Variants in DTWD2 observed in about 807,000 individuals in gnomAD.
The protein encoded by DTWD2 is tRNA-uridine aminocarboxypropyltransferase 2.
A neutral mutation model predicts 31.8 loss-of-function variants in DTWD2; 39 were observed. The ratio of observed to expected loss-of-function variants is 1.22; its 90% CI spans 0.95 to 1.60. The LOEUF (loss-of-function observed/expected upper bound fraction) is 1.60, where lower values mean the gene tolerates loss of function less well. Among genes scored for constraint, DTWD2 ranks in the 40% most tolerant of loss-of-function variants. DTWD2 has a pLI of 0.00. For synonymous variants in DTWD2, 180 were observed against 142.8 expected (o/e 1.26, Z -1.86); for missense variants, 515 against 381.5 (o/e 1.35, Z -2.92).
chr5:118,941,939 G>A (rs1024613478), intron 2 of DTWD2, among the ~76,000 whole-genome samples: 1 of 152,182 alleles, frequency 6.6e-6, no homozygotes, highest in African/African-American at 2.4e-5. Context: ...GTGATGAAGA[G>A]CATTTTTTCA....
chr5:118,877,675 A>C (rs1372979321), intron 4 of DTWD2, among the ~76,000 whole-genome samples: 1 of 152,146 alleles, frequency 6.6e-6, no homozygotes, highest in African/African-American at 2.4e-5. Flanking sequence ...ACAGTATTTG[A>C]CGTCCAGGCC....
Position 118,909,898 on chromosome 5 carries a change from T to G in DTWD2, c.597+18639A>C, listed in dbSNP as rs565135438. ...CCATAGCATGCTACACAATATGCCC[T>G]CCAGTCAGCCCATCAGTGCTCTCCT... On this transcript the variant is annotated intron_variant, in intron 4 of 5. Transcript: ENST00000510708. 2.0e-4 allele frequency among the ~76,000 whole-genome samples: 30 copies of G among 152,280 alleles called. No homozygotes were observed. In the South Asian group the frequency reaches 6.2e-3, roughly 32 times the overall value.
In DTWD2 at chr5:118,928,533, T is replaced by A; in HGVS notation, c.597+4A>T. On this transcript the variant is annotated splice_donor_region_variant and intron_variant, in intron 4 of 5. Transcript: ENST00000510708. The stretch of plus-strand genomic sequence containing the variant: ...TTTATTCTCTGTTAAAATTACTAGT[T>A]TACCTGTTTGGGATGTCGGAACAAG... The A allele has an allele frequency of 6.7e-7, 1 of 1,485,784 alleles. No individual in the cohort carries two copies. Among genetic ancestry groups the A allele is most frequent in the Middle Eastern group, 2.5e-4 (1 of 4,032 alleles). 92.0% of individuals were successfully genotyped at this position (1,485,784 alleles called of 1,614,324 possible).
At chr5:118,893,811 G>A (rs1753025938) in intron 4 of DTWD2, among the ~76,000 whole-genome samples, 1 of 152,122 alleles carries the variant, frequency 6.6e-6, no homozygotes, top group Non-Finnish European at 1.5e-5. Context: ...TAGAATCCGG[G>A]AACAGCCATC....
chr5:118,940,746 G>A (rs1358071266), intron 2 of DTWD2, among the ~76,000 whole-genome samples: 1 of 152,118 alleles, frequency 6.6e-6, no homozygotes, highest in Non-Finnish European at 1.5e-5. Flanking sequence ...AGAGTTTATA[G>A]AACTATTAAG....
At chr5:118,922,450 T>C (rs949331488) in intron 4 of DTWD2, among the ~76,000 whole-genome samples, 2 of 152,060 alleles carry the variant, frequency 1.3e-5, no homozygotes, top group African/African-American at 4.8e-5. Flanking sequence ...CTAATAATTC[T>C]ATGCAAAAAA....
intron 4 of DTWD2, among the ~76,000 whole-genome samples, chr5:118,887,367 T>A (rs1298004750): frequency 2.0e-5 from 3 of 152,138 alleles, no homozygotes. Context: ...AGTTTGGACA[T>A]GTGCTTGGAC....
At chr5:118,944,920 T>A (rs1412703614) in intron 1 of DTWD2, among the ~76,000 whole-genome samples, 1 of 152,220 alleles carries the variant, frequency 6.6e-6, no homozygotes, top group Non-Finnish European at 1.5e-5. Flanking sequence ...AGAATACCTA[T>A]AAGTCATCTG....
intron 4 of DTWD2, among the ~76,000 whole-genome samples, chr5:118,917,569 C>T (rs1319500094): frequency 3.3e-5 from 5 of 152,064 alleles, no homozygotes; most frequent in Admixed American, 6.5e-5. Context: ...CACAGGGCTC[C>T]GGAGGCCTTA....
chr5:118,900,786 G>A (rs765378608), intron 4 of DTWD2, among the ~76,000 whole-genome samples: 20 of 152,132 alleles, frequency 1.3e-4, no homozygotes, highest in Non-Finnish European at 1.8e-4. Flanking sequence ...TTAGCCAGGC[G>A]TGGTGGCAGA....
Position 118,876,465 on chromosome 5 carries a change from A to T in DTWD2, c.598-28247T>A, listed in dbSNP as rs923728500. 7.9e-5 allele frequency among the ~76,000 whole-genome samples: 12 copies of T among 152,224 alleles called. 1 individual carries two copies. Among genetic ancestry groups the T allele is most frequent in the Admixed American group, 4.6e-4 (7 of 15,290 alleles). On this transcript the variant is annotated intron_variant, in intron 4 of 5. Coordinates refer to ENST00000510708, the MANE Select transcript of DTWD2 (RefSeq NM_173666.4). Reference sequence around the variant, plus strand: ...AGGAGTTGATGTTTTGAAAAAATTTAAAAAAAGAATAGACCACTAGCTAGA... The same window carrying T: ...AGGAGTTGATGTTTTGAAAAAATTTTAAAAAAGAATAGACCACTAGCTAGA...
intron 4 of DTWD2, among the ~76,000 whole-genome samples, chr5:118,873,480 C>G (rs1424759483): frequency 6.6e-6 from 1 of 152,218 alleles, no homozygotes; most frequent in Admixed American, 6.5e-5. Context: ...GCGGCTCCTA[C>G]AGCCATACAT....
At chr5:118,984,121 T>C (rs1755367684) in intron 1 of DTWD2, among the ~76,000 whole-genome samples, 1 of 152,186 alleles carries the variant, frequency 6.6e-6, no homozygotes, top group South Asian at 2.1e-4. Context: ...GCCCCATCTC[T>C]ACTAAAAATA....
intron 4 of DTWD2, among the ~76,000 whole-genome samples, chr5:118,913,498 T>A (rs945697156): frequency 2.0e-5 from 3 of 149,374 alleles, no homozygotes; most frequent in Non-Finnish European, 4.4e-5. Flanking sequence ...GTGAGTATGG[T>A]CTATAGAGTT....
At chr5:118,851,558 G>A (rs955447422) in intron 4 of DTWD2, among the ~76,000 whole-genome samples, 8 of 151,822 alleles carry the variant, frequency 5.3e-5, no homozygotes, top group Non-Finnish European at 8.8e-5. Context: ...GGACAAAATC[G>A]GGAACTCCTG....
chr5:118,942,292 T>C (rs1324083216), intron 2 of DTWD2, among the ~76,000 whole-genome samples: 5 of 152,134 alleles, frequency 3.3e-5, no homozygotes, highest in Non-Finnish European at 7.4e-5. Context: ...GGAGGATAAC[T>C]TGAGCCATGG....
intron 4 of DTWD2, among the ~76,000 whole-genome samples, chr5:118,903,501 A>G (rs1275163012): frequency 6.6e-6 from 1 of 152,014 alleles, no homozygotes; most frequent in Non-Finnish European, 1.5e-5. Flanking sequence ...TTCCAATTGC[A>G]CACAGTGAAA....
rs112262094 is a variant in DTWD2, at chr5:118,879,422, C to A, written c.598-31204G>T. ...GGTCAAGAGTTCGAGAGCAGCCTGG[C>A]CAGCACGGTGAAACCTGTCTCTACT... On this transcript the variant is annotated intron_variant, in intron 4 of 5. Coordinates refer to ENST00000510708, the MANE Select transcript of DTWD2 (RefSeq NM_173666.4). Among the ~76,000 whole-genome samples the A allele has an allele frequency of 5.1e-3, 771 of 151,952 alleles. 8 individuals are homozygous for A. Among genetic ancestry groups the A allele is most frequent in the African/African-American group, 0.018 (751 of 41,416 alleles).
chr5:118,898,212 TCTTCTAGGTAAA>T (rs1424889369), intron 4 of DTWD2, among the ~76,000 whole-genome samples: 1 of 152,154 alleles, frequency 6.6e-6, no homozygotes, highest in Non-Finnish European at 1.5e-5. Flanking sequence ...ACATTTGAAG[TCTTCTAGGTAAA>T]CTTTGATACA....
Sources: allele counts gnomAD v4.1 joint callset (sites outside exome capture counted in the v4.1 genomes callset), GRCh38; gene constraint gnomAD v4.1.1; transcripts MANE v1.5; gene names NCBI Gene and HGNC (gene_info 2026-07-23, HGNC 2026-07-21).